The following OTUD6B variants were observed in gnomAD, a reference collection of about 807,000 sequenced individuals.
OTUD6B encodes the protein deubiquitinase OTUD6B.
Under a neutral mutation model 36.9 loss-of-function variants are expected in OTUD6B, and 41 were observed. The observed-to-expected ratio is 1.11, with a 90% CI of 0.87 to 1.44. The LOEUF is 1.44. OTUD6B is among the 40% of genes most tolerant of loss of function. The pLI is 0.00. For missense variants in OTUD6B, 356 were observed against 344.8 expected (o/e 1.03, Z -0.26); for synonymous variants, 114 against 114.2 (o/e 1.00, Z 0.01).
At chr8:91,078,714 T>C in intron 4 of OTUD6B, 46 bp downstream of exon 4, 1 of 1,380,466 alleles carries the variant, frequency 7.2e-7, no homozygotes, top group Non-Finnish European at 9.8e-7. Context: ...TTTGTTGTAG[T>C]TGTTTTTAAA....
intron 2 of OTUD6B, among the ~76,000 whole-genome samples, chr8:91,072,298 G>GTT (rs1812716101): frequency 6.6e-6 from 1 of 152,260 alleles, no homozygotes. Context: ...TCCAGGAGTC[G>GTT]TAACAGCTGT....
Position 91,078,535 on chromosome 8 carries a change from T to A in OTUD6B, c.495T>A (p.Asp165Glu). The A allele has an allele frequency of 6.2e-7, 1 of 1,609,894 alleles. No homozygotes were observed. The highest frequency in any genetic ancestry group is 8.5e-7 in the Non-Finnish European group (1 of 1,177,920). Reference protein sequence around the residue: ...DGHCMYKAIEDQLKEKDCALT... With the variant: ...DGHCMYKAIEEQLKEKDCALT... ...ACTGTATGTATAAAGCCATTGAAGA[T>A]CAACTGAAAGAAAAGGATTGTGCTC... Residue 165 changes from aspartate to glutamate, a missense_variant, in exon 4 of 7, where the codon GAT becomes GAA. Asp to Glu is a conservative substitution (Grantham distance 45). Coordinates refer to ENST00000404789, the MANE Select transcript of OTUD6B (RefSeq NM_016023.5).
rs1812978219 is a variant in OTUD6B at position 91,084,775 on chromosome 8, TAA to T, written c.798-8_798-7del. 2.0e-6 allele frequency: 3 copies of T among 1,504,894 alleles called. No individual in the cohort carries two copies. Among genetic ancestry groups the T allele is most frequent in the Non-Finnish European group, 1.8e-6 (2 of 1,118,326 alleles). 93.2% of individuals were successfully genotyped at this position (1,504,894 alleles called of 1,614,324 possible). On this transcript the variant is annotated splice_polypyrimidine_tract_variant and splice_region_variant and intron_variant, in intron 6 of 6. Coordinates refer to ENST00000404789, the MANE Select transcript of OTUD6B (RefSeq NM_016023.5). Reference sequence around the variant, plus strand: ...AAAACTACTCATTTCTTTTTTTTTTTAATTTCAGATATATGAGACATGCATAT... The same window carrying T: ...AAAACTACTCATTTCTTTTTTTTTTTTTTCAGATATATGAGACATGCATAT...
intron 4 of OTUD6B, among the ~76,000 whole-genome samples, chr8:91,079,690 GAT>G (rs113866127): frequency 0.026 from 4,021 of 152,178 alleles, 167 homozygotes; most frequent in African/African-American, 0.091. Context: ...TAGGCAATGT[GAT>G]AAATGACTCT....
intron 5 of OTUD6B, 145 bp downstream of exon 5, chr8:91,080,875 G>T (rs1812892225): frequency 1.6e-6 from 1 of 630,480 alleles, no homozygotes. Flanking sequence ...AACTGACAAA[G>T]AAATAGGGAG....
rs369648071 is a variant in OTUD6B at position 91,082,745 on chromosome 8, CTTT to C, written c.691-1241_691-1239del. 2.5e-3 allele frequency among the ~76,000 whole-genome samples: 275 copies of C among 111,848 alleles called. 1 individual carries two copies. Among genetic ancestry groups the C allele is most frequent in the African/African-American group, 9.6e-3 (256 of 26,778 alleles). 73.4% of individuals were successfully genotyped at this position (111,848 alleles called of 152,430 possible). A position where few individuals can be genotyped will look rare whatever the true frequency, so the allele number is the denominator to read the frequency against. ...AATGCTTGAGTGTTTGGTCATATGT[CTTT>C]TTTTTTTTTTTTTTTTTTTTTGAAA... On this transcript the variant is annotated intron_variant, in intron 5 of 6. Coordinates refer to ENST00000404789, the MANE Select transcript of OTUD6B (RefSeq NM_016023.5).
At chr8:91,076,783 A>G (rs1172863632) in intron 3 of OTUD6B, 12 of 712,732 alleles carry the variant, frequency 1.7e-5, no homozygotes, top group South Asian at 2.9e-5. Context: ...TTATAAAGTA[A>G]TAGTGCCATC....
In OTUD6B at chr8:91,085,639, C is replaced by T. The variant is rs906958151; in HGVS notation, c.*771C>T. 7 of 151,968 alleles carry T rather than the reference C, an allele frequency of 4.6e-5. No individual in the cohort carries two copies. The highest frequency in any genetic ancestry group is 3.9e-4 in the East Asian group (2 of 5,178). 9.4% of individuals were successfully genotyped at this position (151,968 alleles called of 1,614,324 possible). ...TTATTCTTTCGTATTTTTTAAGCATCGGACTGGAGTTAGTACCATCATCTC... is the reference window on the plus strand; with the variant it reads ...TTATTCTTTCGTATTTTTTAAGCATTGGACTGGAGTTAGTACCATCATCTC... On this transcript the variant is annotated 3_prime_UTR_variant, in exon 7 of 7. Coordinates refer to ENST00000404789, the MANE Select transcript of OTUD6B (RefSeq NM_016023.5).
intron 3 of OTUD6B, among the ~76,000 whole-genome samples, 190 bp downstream of exon 3, chr8:91,074,101 A>G (rs1812757790): frequency 6.6e-6 from 1 of 152,172 alleles, no homozygotes; most frequent in African/African-American, 2.4e-5. Flanking sequence ...CTTATATGAC[A>G]TCTCATTTAG....
rs1394746563 is a variant in OTUD6B at position 91,071,386 on chromosome 8, G to C, written c.234+97G>C. On this transcript the variant is annotated intron_variant, in intron 2 of 6. Transcript: ENST00000404789. ...CTGCTTTTTTTTTTTTTTTTGAGAC[G>C]GTGTCTCGCTTTGCAAAACACGCTC... 23 of 989,022 alleles carry C rather than the reference G, an allele frequency of 2.3e-5. 1 individual carries two copies. In the African/African-American group the frequency reaches 2.9e-4, roughly 12 times the overall value. The allele number at this position is 989,022 out of a possible 1,614,324, so 61.3% of individuals were successfully genotyped here.
intron 3 of OTUD6B, chr8:91,076,617 T>G: frequency 6.5e-7 from 1 of 1,532,696 alleles, no homozygotes. Context: ...GAGCTCTCTG[T>G]GTTGTCCTTG....
intron 5 of OTUD6B, among the ~76,000 whole-genome samples, chr8:91,081,873 C>G (rs1812914144): frequency 6.6e-6 from 1 of 152,112 alleles, no homozygotes; most frequent in Admixed American, 6.6e-5. Flanking sequence ...AGGAAATGTT[C>G]ATAGTAGCTT....
intron 3 of OTUD6B, chr8:91,076,759 ACTTTTTTAGT>A: frequency 1.3e-6 from 1 of 778,766 alleles, no homozygotes; most frequent in Non-Finnish European, 2.2e-6. Flanking sequence ...CCCCTCTGAA[ACTTTTTTAGT>A]CTTTTATAAA....
intron 3 of OTUD6B, among the ~76,000 whole-genome samples, chr8:91,076,955 A>G (rs998934477): frequency 2.0e-5 from 3 of 152,096 alleles, no homozygotes; most frequent in African/African-American, 7.2e-5. Context: ...AGGTTCATCT[A>G]GCATGGCACA....
intron 5 of OTUD6B, among the ~76,000 whole-genome samples, chr8:91,081,367 G>T (rs368667478): frequency 8.3e-6 from 1 of 120,950 alleles, no homozygotes; most frequent in African/African-American, 2.7e-5. Flanking sequence ...ACTTTGTTTT[G>T]TTAAAAACAA....
In OTUD6B at chr8:91,077,068, C is replaced by G. The variant is rs186198709; in HGVS notation, c.316-1288C>G. On this transcript the variant is annotated intron_variant, in intron 3 of 6. Coordinates refer to ENST00000404789, the MANE Select transcript of OTUD6B (RefSeq NM_016023.5). ...AAATCAGAGCTAGTGTTATGGAAGT[C>G]TTTACCTTTTCCTATTCTTGGCTTA... is the stretch of plus-strand genomic sequence containing the variant. Among the ~76,000 whole-genome samples, 170 of 152,130 alleles carry G rather than the reference C, an allele frequency of 1.1e-3. 1 individual carries two copies. Among genetic ancestry groups the G allele is most frequent in the African/African-American group, 4.0e-3 (168 of 41,534 alleles).
intron 4 of OTUD6B, among the ~76,000 whole-genome samples, chr8:91,079,411 AG>A (rs1812858595): frequency 6.6e-6 from 1 of 152,038 alleles, no homozygotes; most frequent in Non-Finnish European, 1.5e-5. Flanking sequence ...TCCTCCATGG[AG>A]GAAAGGTAGA....
intron 3 of OTUD6B, chr8:91,076,864 T>A: frequency 1.6e-6 from 1 of 644,126 alleles, no homozygotes; most frequent in South Asian, 1.7e-5. Context: ...TTGTTCCTAT[T>A]ACTTATACAA....
At chr8:91,073,343 GT>G (rs1453592597) in intron 2 of OTUD6B, among the ~76,000 whole-genome samples, 1 of 152,112 alleles carries the variant, frequency 6.6e-6, no homozygotes, top group East Asian at 1.9e-4. Flanking sequence ...GCAGTTATCA[GT>G]TTGTAGATGG....
Sources: allele counts gnomAD v4.1 joint callset (sites outside exome capture counted in the v4.1 genomes callset), GRCh38; gene constraint gnomAD v4.1.1; transcripts MANE v1.5; gene names NCBI Gene and HGNC (gene_info 2026-07-23, HGNC 2026-07-21).